ITGAM: variants seen among roughly 807,000 people sequenced by gnomAD.
ITGAM encodes integrin alpha-M.
Under a neutral mutation model 137.5 loss-of-function variants are expected in ITGAM, and 79 were observed. The observed-to-expected ratio is 0.57, with a 90% CI of 0.48 to 0.69. ITGAM has a LOEUF of 0.69. ITGAM is among the 30% of genes least tolerant of loss of function. The pLI, the probability that ITGAM is intolerant of heterozygous loss-of-function variation, is 0.00. For missense variants in ITGAM, 1,343 were observed against 1,483.5 expected, an observed-to-expected ratio of 0.91 and a Z score of 1.56; for synonymous variants, 583 against 592.3, an observed-to-expected ratio of 0.98 and a Z score of 0.23.
intron 2 of ITGAM, among the ~76,000 whole-genome samples, chr16:31,262,938 C>T (rs943872408): frequency 3.9e-5 from 6 of 152,026 alleles, no homozygotes; most frequent in Admixed American, 2.6e-4. Context: ...TTGGGAGATG[C>T]TATAATTTAT....
rs775141495 is a variant in ITGAM, at chr16:31,330,417, T to G, written c.3170T>G (p.Ile1057Ser). 25 of 1,613,152 alleles carry G rather than the reference T, an allele frequency of 1.5e-5. No individual in the cohort carries two copies. The highest frequency in any genetic ancestry group is 1.9e-5 in the Non-Finnish European group (22 of 1,179,168). The change falls in exon 27 of 30, where the codon ATC becomes AGC. Residue 1057 changes from isoleucine to serine, a missense_variant. Coordinates refer to ENST00000544665, the MANE Select transcript of ITGAM (RefSeq NM_000632.4). The stretch of plus-strand genomic sequence containing the variant: ...GGCAACCTCTCGTTTGACTGGTACA[T>G]CAAGGTGTGTGGGGTCCTGAGGCTT... ...LKGNLSFDWY[I>S]KTSHNHLLIV...
chr16:31,273,564 A>T, intron 8 of ITGAM, 46 bp downstream of exon 8: 1 of 1,582,436 alleles, frequency 6.3e-7, no homozygotes, highest in East Asian at 2.2e-5. Context: ...GAGGGTTTCT[A>T]TGTGGATCCA....
chr16:31,288,249 A>G (rs1302188978), intron 12 of ITGAM, among the ~76,000 whole-genome samples: 1 of 152,144 alleles, frequency 6.6e-6, no homozygotes, highest in African/African-American at 2.4e-5. Context: ...TATCCCAGAC[A>G]TGCAGGGCTT....
Position 31,331,650 on chromosome 16 carries a change from G to T in ITGAM, c.3402G>T (p.Lys1134Asn). 1 of 1,608,554 alleles carries T rather than the reference G, an allele frequency of 6.2e-7. No individual in the cohort carries two copies. The highest frequency in any genetic ancestry group is 1.3e-5 in the African/African-American group (1 of 74,806). ...TAALYKLGFF[K>N]RQYKDMMSEG... ...CTGCCCCGCAGCTCGGCTTCTTCAA[G>T]CGGCAATACAAGGACATGATGAGTG... is the stretch of plus-strand genomic sequence containing the variant. Residue 1134 changes from lysine (K) to asparagine (N), a missense_variant, in exon 30 of 30, where the codon AAG becomes AAT. Physicochemically the swap from Lys to Asn is moderately conservative, Grantham distance 94. Transcript: ENST00000544665.
Position 31,328,756 on chromosome 16 carries a change from A to G in ITGAM, c.2793-472A>G, listed in dbSNP as rs114030487. On this transcript the variant is annotated intron_variant, in intron 23 of 29. Transcript: ENST00000544665. ...TATTTGTGCGTATGTCTGAAGGTCT[A>G]TGTGCATGCGTGTGCGCATGGGTGT... 2.9e-3 allele frequency among the ~76,000 whole-genome samples: 369 copies of G among 126,856 alleles called. 3 individuals are homozygous for G. The highest frequency in any genetic ancestry group is 0.011 in the African/African-American group (360 of 32,036). The allele number at this position is 126,856 out of a possible 152,430, so 83.2% of individuals were successfully genotyped here.
intron 12 of ITGAM, among the ~76,000 whole-genome samples, chr16:31,287,183 G>T (rs527876067): frequency 6.6e-6 from 1 of 152,182 alleles, no homozygotes; most frequent in South Asian, 2.1e-4. Flanking sequence ...TGAAGATCAG[G>T]TGGTTATAGG....
intron 5 of ITGAM, among the ~76,000 whole-genome samples, chr16:31,266,862 ATTT>A (rs79448805): frequency 6.9e-6 from 1 of 145,110 alleles, no homozygotes; most frequent in Admixed American, 7.0e-5. Flanking sequence ...GACTGTATGG[ATTT>A]TTTTTTTTTT....
In ITGAM at chr16:31,287,763, C is replaced by T. The variant is rs531812969; in HGVS notation, c.1356+9654C>T. ...TCTTTGCCAATAGTCAAATTCTTCA[C>T]GTGGTCTCTCTAAACACATACTGGC... On this transcript the variant is annotated intron_variant, in intron 12 of 29. Coordinates refer to ENST00000544665, the MANE Select transcript of ITGAM (RefSeq NM_000632.4). Among the ~76,000 whole-genome samples the T allele has an allele frequency of 1.1e-4, 16 of 152,230 alleles. No individual in the cohort carries two copies. The South Asian group carries it at 2.9e-3, about 28-fold the overall frequency.
intron 14 of ITGAM, among the ~76,000 whole-genome samples, chr16:31,301,388 A>C (rs550764635): frequency 2.8e-4 from 43 of 152,208 alleles, no homozygotes; most frequent in African/African-American, 9.9e-4. Flanking sequence ...GGATGGGTTT[A>C]TTTCTGGGCT....
Position 31,331,226 on chromosome 16 carries a change from C to T in ITGAM, c.3338C>T (p.Ser1113Phe). Residue 1113 changes from serine to phenylalanine, a missense_variant, in exon 29 of 30, where the codon TCT becomes TTT. Physicochemically the swap from Ser to Phe is radical, Grantham distance 155. Coordinates refer to ENST00000544665, the MANE Select transcript of ITGAM (RefSeq NM_000632.4). The stretch of plus-strand genomic sequence containing the variant: ...CCCCTGCCGCTCATCGTGGGCAGCT[C>T]TGTCGGGGGACTGCTGCTCCTGGCC... The part of the protein sequence containing the change: ...PNPLPLIVGS[S>F]VGGLLLLALI... The T allele has an allele frequency of 6.2e-7, 1 of 1,613,558 alleles. No homozygotes were observed. Among genetic ancestry groups the T allele is most frequent in the Non-Finnish European group, 8.5e-7 (1 of 1,179,748 alleles).
intron 16 of ITGAM, among the ~76,000 whole-genome samples, chr16:31,321,996 C>T (rs1332319526): frequency 6.6e-6 from 1 of 152,166 alleles, no homozygotes; most frequent in African/African-American, 2.4e-5. Context: ...ATTTTATCAC[C>T]AGTGACTTCT....
chr16:31,263,974 TA>T (rs1479208504), intron 2 of ITGAM, among the ~76,000 whole-genome samples: 1 of 151,810 alleles, frequency 6.6e-6, no homozygotes, highest in Non-Finnish European at 1.5e-5. Flanking sequence ...TAGCTGGGAC[TA>T]CAGGTGCGTG....
chr16:31,302,417 T>TTTC (rs1567267853), intron 14 of ITGAM, among the ~76,000 whole-genome samples: 40 of 138,374 alleles, frequency 2.9e-4, no homozygotes, highest in Non-Finnish European at 4.5e-4. Context: ...TTTTTCTTTC[T>TTTC]TTCTTTCTTT....
chr16:31,272,042 G>T, intron 7 of ITGAM, 50 bp downstream of exon 7: 1 of 1,610,734 alleles, frequency 6.2e-7, no homozygotes, highest in Non-Finnish European at 8.5e-7. Context: ...GACACTTTTA[G>T]CTGGGCTTTG....
chr16:31,305,800 C>G (rs1414482655), intron 14 of ITGAM, among the ~76,000 whole-genome samples: 1 of 152,008 alleles, frequency 6.6e-6, no homozygotes. Context: ...TTCCTGCGTC[C>G]TTGGGATGAA....
chr16:31,318,493 G>A (rs978526644), intron 14 of ITGAM, among the ~76,000 whole-genome samples: 6 of 151,832 alleles, frequency 4.0e-5, no homozygotes, highest in African/African-American at 1.5e-4. Context: ...ACAAGCACGT[G>A]CCACCACACC....
chr16:31,315,604 T>C (rs2080382963), intron 14 of ITGAM, among the ~76,000 whole-genome samples: 2 of 151,942 alleles, frequency 1.3e-5, no homozygotes, highest in Non-Finnish European at 1.5e-5. Context: ...ATTACAGGCC[T>C]CCGCCACCAT....
chr16:31,282,664 CTT>C (rs1219417773), intron 12 of ITGAM, among the ~76,000 whole-genome samples: 3 of 152,238 alleles, frequency 2.0e-5, no homozygotes, highest in African/African-American at 7.2e-5. Context: ...GGTCTTGACT[CTT>C]TATCCAATTT....
At position 31,261,832 on chromosome 16, in the gene ITGAM, C is replaced by T. The variant is rs763374914; in HGVS notation, c.134+35C>T. 13 of 1,382,912 alleles carry T rather than the reference C, an allele frequency of 9.4e-6. No individual in the cohort carries two copies. In the Admixed American group the frequency reaches 1.3e-4, roughly 14 times the overall value. The allele number at this position is 1,382,912 out of a possible 1,614,324, so 85.7% of individuals were successfully genotyped here. On this transcript the variant is annotated intron_variant, in intron 2 of 29. Transcript: ENST00000544665. ...TTAGATGGAGCCCCCTTTCTCAGTG[C>T]TTTCTCTCCAAGACTTACATACCTG...
Sources: gnomAD v4.1 joint callset for allele counts (sites outside exome capture counted in the v4.1 genomes callset) on GRCh38, gnomAD v4.1.1 for gene constraint, MANE v1.5 for transcripts, NCBI Gene and HGNC (gene_info 2026-07-23, HGNC 2026-07-21) for gene names.